DYSF: variants seen among roughly 807,000 people sequenced by gnomAD.
DYSF encodes dystrophy-associated fer-1-like 1.
DYSF carries 212 observed loss-of-function variants against 274.9 expected under a neutral mutation model. The observed-to-expected ratio is 0.77, with a 90% CI of 0.69 to 0.86. The LOEUF (loss-of-function observed/expected upper bound fraction) is 0.86, where lower values mean the gene tolerates loss of function less well. Ranked by LOEUF, DYSF falls within the 40% of genes least tolerant of loss-of-function variation. The pLI is 0.00. For missense variants in DYSF, 2,666 were observed against 2,783.2 expected (o/e 0.96, Z 0.95); for synonymous variants, 1,091 against 1,078.7 (o/e 1.01, Z -0.22).
In DYSF at chr2:71,611,421, G is replaced by C. The variant is rs554939103; in HGVS notation, c.4060-44G>C. On this transcript the variant is annotated intron_variant, in intron 37 of 55. Coordinates refer to ENST00000410020, the MANE Select transcript of DYSF (RefSeq NM_001130987.2). The stretch of plus-strand genomic sequence containing the variant: ...CCTTCCTGGCCCCAGCCTTTCCTGG[G>C]GCCCGGGGCCTTCTGAGCCACTCTC... 3 of 1,613,990 alleles carry C rather than the reference G, an allele frequency of 1.9e-6. No individual in the cohort carries two copies. The East Asian group carries it at 6.7e-5, about 36-fold the overall frequency.
In DYSF at chr2:71,470,737, TTTCCTTCCTTCCTTCC is replaced by T. The variant is rs56939256; in HGVS notation, c.91+3836_91+3851del. Among the ~76,000 whole-genome samples the T allele has an allele frequency of 7.3e-4, 70 of 96,082 alleles. 2 individuals carry two copies. Among genetic ancestry groups the T allele is most frequent in the African/African-American group, 2.1e-3 (50 of 23,274 alleles). 63.0% of individuals were successfully genotyped at this position (96,082 alleles called of 152,430 possible). On this transcript the variant is annotated intron_variant, in intron 1 of 55. Coordinates refer to ENST00000410020, the MANE Select transcript of DYSF (RefSeq NM_001130987.2). Reference sequence around the variant, plus strand: ...TCTTCCTTCTTTCCTTCCTTCCTTCTTTCCTTCCTTCCTTCCTTCCTTCCTTCCTTCCTTCCTTCCT... The same window carrying T: ...TCTTCCTTCTTTCCTTCCTTCCTTCTTTCCTTCCTTCCTTCCTTCCTTCCT...
chr2:71,570,068 G>T, intron 27 of DYSF, 134 bp downstream of exon 27: 1 of 1,081,832 alleles, frequency 9.2e-7, no homozygotes. Context: ...GATTTCCAAA[G>T]GGAAAGTGTG....
chr2:71,453,672 G>C, exon 1 of DYSF: 1 of 401,830 alleles, frequency 2.5e-6, no homozygotes, highest in East Asian at 5.4e-5. Context: ...GGGAGACTCC[G>C]CAGCCGGAGC....
Position 71,668,823 on chromosome 2 carries a change from A to T in DYSF, c.5527A>T (p.Thr1843Ser). The T allele has an allele frequency of 6.2e-7, 1 of 1,609,442 alleles. No individual in the cohort carries two copies. Among genetic ancestry groups the T allele is most frequent in the South Asian group, 1.1e-5 (1 of 90,372 alleles). ...LGRPGPPFNI[T>S]PRRARRFFLR... ...GCGGCCTGGACCTCCCTTCAACATC[A>T]CCCCACGGAGAGCCAGAAGGTGACT... Residue 1843 changes from threonine (T) to serine (S), a missense_variant, in exon 49 of 56, where the codon ACC becomes TCC. Thr to Ser is a moderately conservative substitution (Grantham distance 58). Coordinates refer to ENST00000410020, the MANE Select transcript of DYSF (RefSeq NM_001130987.2).
intron 14 of DYSF, among the ~76,000 whole-genome samples, chr2:71,530,791 T>A (rs975643454): frequency 2.6e-5 from 4 of 152,136 alleles, no homozygotes; most frequent in Non-Finnish European, 4.4e-5. Flanking sequence ...ATTCTGCCTG[T>A]CCCTCTCTTT....
chr2:71,576,307 T>G (rs755161379), intron 30 of DYSF: 20 of 152,378 alleles, frequency 1.3e-4, no homozygotes, highest in Non-Finnish European at 2.9e-4. Flanking sequence ...AGGGAGCCAG[T>G]ATGAGTTGTT....
chr2:71,599,144 G>T (rs1162997936), intron 33 of DYSF, among the ~76,000 whole-genome samples: 1 of 152,200 alleles, frequency 6.6e-6, no homozygotes, highest in Admixed American at 6.5e-5. Flanking sequence ...TTAGGTGGGA[G>T]CCCAGACACC....
chr2:71,625,123 T>C (rs1336232027), intron 41 of DYSF, among the ~76,000 whole-genome samples: 2 of 151,438 alleles, frequency 1.3e-5, no homozygotes, highest in African/African-American at 4.9e-5. Flanking sequence ...CTGCTGATAT[T>C]ATAATAGATT....
chr2:71,536,130 C>T (rs933193423), intron 16 of DYSF, among the ~76,000 whole-genome samples: 1 of 152,196 alleles, frequency 6.6e-6, no homozygotes, highest in Admixed American at 6.5e-5. Flanking sequence ...GGGGAATATT[C>T]GGGGTCCACA....
At chr2:71,470,178 G>A (rs2081877029) in intron 1 of DYSF, among the ~76,000 whole-genome samples, 1 of 152,098 alleles carries the variant, frequency 6.6e-6, no homozygotes, top group South Asian at 2.1e-4. Context: ...TCCTCCTCCA[G>A]CCTCCCCCTC....
chr2:71,555,270 C>T (rs1159153575), intron 21 of DYSF, among the ~76,000 whole-genome samples: 1 of 152,084 alleles, frequency 6.6e-6, no homozygotes, highest in Non-Finnish European at 1.5e-5. Flanking sequence ...GGGCAGGGAC[C>T]GTGTTCTTTC....
intron 29 of DYSF, among the ~76,000 whole-genome samples, chr2:71,572,672 T>C (rs1224514218): frequency 5.3e-5 from 8 of 152,342 alleles, no homozygotes; most frequent in Middle Eastern, 3.4e-3. Flanking sequence ...CTGGGCTTTG[T>C]ATCCTCTCAG....
chr2:71,542,572 ACT>A (rs1487245344), intron 17 of DYSF, among the ~76,000 whole-genome samples: 2 of 151,580 alleles, frequency 1.3e-5, no homozygotes, highest in Non-Finnish European at 2.9e-5. Context: ...AGTGGTGATG[ACT>A]CTTATGGAGC....
chr2:71,592,857 C>T (rs2093308223), intron 32 of DYSF, among the ~76,000 whole-genome samples: 1 of 152,114 alleles, frequency 6.6e-6, no homozygotes, highest in Admixed American at 6.5e-5. Context: ...TCTCCCTGGT[C>T]GAATATTTGA....
At chr2:71,495,234 G>T (rs1025888647) in intron 3 of DYSF, among the ~76,000 whole-genome samples, 65 of 152,146 alleles carry the variant, frequency 4.3e-4, no homozygotes, top group African/African-American at 1.5e-3. Flanking sequence ...ACCCATGAGT[G>T]GTGCTCACTA....
intron 14 of DYSF, among the ~76,000 whole-genome samples, chr2:71,533,755 C>T (rs1385708057): frequency 6.6e-6 from 1 of 152,196 alleles, no homozygotes; most frequent in African/African-American, 2.4e-5. Context: ...GCAGTTTTCC[C>T]ATAGCCTTGC....
At chr2:71,494,641 C>T (rs535594513) in intron 3 of DYSF, among the ~76,000 whole-genome samples, 109 of 152,334 alleles carry the variant, frequency 7.2e-4, no homozygotes, top group African/African-American at 1.2e-3. Flanking sequence ...AGGGCCACCA[C>T]GCATTGATCC....
At chr2:71,490,911 C>A (rs1465218627) in intron 3 of DYSF, among the ~76,000 whole-genome samples, 1 of 152,136 alleles carries the variant, frequency 6.6e-6, no homozygotes, top group Non-Finnish European at 1.5e-5. Context: ...ATCCAGTAAA[C>A]ATCTTTATCC....
intron 41 of DYSF, among the ~76,000 whole-genome samples, chr2:71,642,278 A>G (rs2094498508): frequency 6.6e-6 from 1 of 152,136 alleles, no homozygotes; most frequent in Non-Finnish European, 1.5e-5. Flanking sequence ...CTAAGTGTCC[A>G]TGTTTGCCTG....
Sources: gnomAD v4.1 joint callset for allele counts (sites outside exome capture counted in the v4.1 genomes callset) on GRCh38, gnomAD v4.1.1 for gene constraint, MANE v1.5 for transcripts, NCBI Gene and HGNC (gene_info 2026-07-23, HGNC 2026-07-21) for gene names.